Variants in SH3GL1 observed in about 807,000 individuals in gnomAD.
The protein encoded by SH3GL1 is SH3 domain containing GRB2 like 1, endophilin A2.
SH3GL1 carries 21 observed loss-of-function variants against 48.8 expected under a neutral mutation model. The observed-to-expected ratio is 0.43, with a 90% CI of 0.30 to 0.62. The LOEUF (loss-of-function observed/expected upper bound fraction) is 0.62, where lower values mean the gene tolerates loss of function less well. SH3GL1 is among the 20% of genes least tolerant of loss of function. SH3GL1 has a pLI of 0.11. For missense variants in SH3GL1, 454 were observed against 503.0 expected, an observed-to-expected ratio of 0.90 and a Z score of 0.93; for synonymous variants, 282 against 217.5, an observed-to-expected ratio of 1.30 and a Z score of -2.61.
chr19:4,384,173 G>C (rs113606492), intron 1 of SH3GL1, among the ~76,000 whole-genome samples: 219 of 152,324 alleles, frequency 1.4e-3, no homozygotes, highest in African/African-American at 5.0e-3. Context: ...TTACAGGCTG[G>C]AGGGGATGTT....
In SH3GL1 at chr19:4,361,541, G is replaced by T; in HGVS notation, c.*59C>A. The stretch of plus-strand genomic sequence containing the variant: ...AGCAGGGGCTCCGTGGAATGCAGGA[G>T]ACCCAGCAGGGGGTGCCGGCCAGTG... On this transcript the variant is annotated 3_prime_UTR_variant, in exon 10 of 10. Coordinates refer to ENST00000269886, the MANE Select transcript of SH3GL1 (RefSeq NM_003025.4). 2 of 1,334,588 alleles carry T rather than the reference G, an allele frequency of 1.5e-6. No individual in the cohort carries two copies. Among genetic ancestry groups the T allele is most frequent in the South Asian group, 1.3e-5 (1 of 76,854 alleles). The allele number at this position is 1,334,588 out of a possible 1,614,324, so 82.7% of individuals were successfully genotyped here.
At chr19:4,399,754 G>T (rs372527068) in intron 1 of SH3GL1, among the ~76,000 whole-genome samples, 158 of 152,324 alleles carry the variant, frequency 1.0e-3, no homozygotes, top group African/African-American at 3.6e-3. Flanking sequence ...GCTATCACAG[G>T]GTACGTGTTT....
intron 1 of SH3GL1, among the ~76,000 whole-genome samples, chr19:4,397,818 T>G (rs945047863): frequency 2.6e-5 from 4 of 152,174 alleles, no homozygotes; most frequent in African/African-American, 9.7e-5. Context: ...TAAGTATCTA[T>G]ATCCCTAAAC....
At chr19:4,370,409 G>A (rs947253176) in intron 1 of SH3GL1, among the ~76,000 whole-genome samples, 3 of 152,206 alleles carry the variant, frequency 2.0e-5, no homozygotes, top group Admixed American at 1.3e-4. Context: ...GCAGGAAACG[G>A]AGGAAAATAA....
chr19:4,361,745 T>C lies in SH3GL1; in HGVS notation c.962A>G (p.Asn321Ser). 6.2e-7 allele frequency: 1 copy of C among 1,612,736 alleles called. No homozygotes were observed. The highest frequency in any genetic ancestry group is 8.5e-7 in the Non-Finnish European group (1 of 1,179,856). The change falls in exon 10 of 10, where the codon AAC becomes AGC. Residue 321 changes from asparagine to serine, a missense_variant. Asn to Ser is a conservative substitution (Grantham distance 46). This residue lies in a region of SH3GL1 where 278 missense variants were observed against 246.8 expected (regional missense o/e 1.13). Transcript: ENST00000269886. ...CKALYDFEPENDGELGFHEGD... is the reference protein window; with the variant it reads ...CKALYDFEPESDGELGFHEGD... ...CTCATGGAAGCCCAGCTCCCCGTCG[T>C]TCTCGGGCTCGAAGTCGTACAGCGC...
chr19:4,369,490 G>A lies in SH3GL1; in HGVS notation c.46-2496C>T, dbSNP rs370772830. On this transcript the variant is annotated intron_variant, in intron 1 of 9. Transcript: ENST00000269886. Reference sequence around the variant, plus strand: ...TGTGCAGGCTGGCAGGAGTGGCTCCGTCAGGGCCCTTCCCCAGCCCCCTGC... The same window carrying A: ...TGTGCAGGCTGGCAGGAGTGGCTCCATCAGGGCCCTTCCCCAGCCCCCTGC... 6.6e-3 allele frequency among the ~76,000 whole-genome samples: 1,003 copies of A among 152,294 alleles called. 9 individuals carry two copies. The highest frequency in any genetic ancestry group is 0.022 in the African/African-American group (934 of 41,562).
chr19:4,364,373 C>T, intron 4 of SH3GL1, 152 bp from the exon 5 acceptor site: 3 of 932,384 alleles, frequency 3.2e-6, no homozygotes, highest in Non-Finnish European at 4.9e-6. Flanking sequence ...GGGCTCAAGC[C>T]ATGCTGGCAC....
In SH3GL1 at chr19:4,394,126, C is replaced by CA. The variant is rs34866100; in HGVS notation, c.45+6197dup. ...TTCAAACCCTCTCCCTCCTTTCAGGCAAAAAAAAAAAAAAAAAAAAGCCAG... is the reference window on the plus strand; with the variant it reads ...TTCAAACCCTCTCCCTCCTTTCAGGCAAAAAAAAAAAAAAAAAAAAAGCCAG... On this transcript the variant is annotated intron_variant, in intron 1 of 9. Transcript: ENST00000269886. Among the ~76,000 whole-genome samples the CA allele has an allele frequency of 4.0e-4, 36 of 89,752 alleles. No homozygotes were observed. In the South Asian group the frequency reaches 8.2e-3, roughly 21 times the overall value. The allele number at this position is 89,752 out of a possible 152,430, so 58.9% of individuals were successfully genotyped here. A position where few individuals can be genotyped will look rare whatever the true frequency, so the allele number is the denominator to read the frequency against.
At chr19:4,386,773 C>T (rs1175810553) in intron 1 of SH3GL1, among the ~76,000 whole-genome samples, 2 of 152,046 alleles carry the variant, frequency 1.3e-5, no homozygotes, top group South Asian at 2.1e-4. Context: ...CAGGATCCCC[C>T]GATCCTAAGA....
chr19:4,385,405 T>C (rs2144909352), intron 1 of SH3GL1, among the ~76,000 whole-genome samples: 1 of 152,290 alleles, frequency 6.6e-6, no homozygotes, highest in East Asian at 1.9e-4. Flanking sequence ...CCAGGGAATG[T>C]GTTCTGAATG....
chr19:4,397,494 C>A (rs901876640), intron 1 of SH3GL1, among the ~76,000 whole-genome samples: 1 of 152,206 alleles, frequency 6.6e-6, no homozygotes, highest in African/African-American at 2.4e-5. Flanking sequence ...ACAATATGGG[C>A]ACAGGCCCTG....
rs746817206 is a variant in SH3GL1, at chr19:4,366,560, G to A, written c.128C>T (p.Thr43Ile). 2 of 1,612,080 alleles carry A rather than the reference G, an allele frequency of 1.2e-6. No individual in the cohort carries two copies. Among genetic ancestry groups the A allele is most frequent in the Non-Finnish European group, 8.5e-7 (1 of 1,179,544 alleles). ...CAGCACTTCTGTCACCGCCTTGCTG[G>A]TGACATCCACCTTCTGTGAAGAGAA... ...FKEMEKKVDV[T>I]SKAVTEVLAR... Residue 43 changes from threonine to isoleucine, a missense_variant, in exon 3 of 10, where the codon ACC becomes ATC. Physicochemically the swap from Thr to Ile is moderately conservative, Grantham distance 89 (BLOSUM62 -1). Transcript: ENST00000269886.
rs746783898 is a variant in SH3GL1 at position 4,363,793 on chromosome 19, C to T, written c.551G>A (p.Arg184His). The T allele has an allele frequency of 9.9e-6, 16 of 1,613,694 alleles. No individual in the cohort carries two copies. Among genetic ancestry groups the T allele is most frequent in the Admixed American group, 6.7e-5 (4 of 60,012 alleles). ...CTCCTCGAACTTCTCCAGCGCCTGG[C>T]GTAGCTCCTCATCGGGGATCTTGCC... ...RQGKIPDEEL[R>H]QALEKFEESK... Residue 184 changes from arginine (R) to histidine (H), a missense_variant, in exon 6 of 10, where the codon CGC becomes CAC. Physicochemically the swap from Arg to His is conservative, Grantham distance 29 (BLOSUM62 0). Transcript: ENST00000269886.
At position 4,366,655 on chromosome 19, in the gene SH3GL1, T is replaced by C; in HGVS notation, c.115-82A>G. ...AGACCCCCGCTGCTGCACCGCCTCC[T>C]GCCCTAAGAGCCCATACCAGGACCC... On this transcript the variant is annotated intron_variant, in intron 2 of 9. Transcript: ENST00000269886. The C allele has an allele frequency of 6.0e-6, 8 of 1,326,538 alleles. 1 individual carries two copies. The South Asian group carries it at 8.4e-5, about 14-fold the overall frequency. 82.2% of individuals were successfully genotyped at this position (1,326,538 alleles called of 1,614,324 possible).
intron 1 of SH3GL1, among the ~76,000 whole-genome samples, chr19:4,383,380 A>G (rs567392758): frequency 6.8e-6 from 1 of 146,874 alleles, no homozygotes; most frequent in Admixed American, 6.8e-5. Context: ...ACACAGAGTT[A>G]TTTTTTTTTT....
intron 1 of SH3GL1, among the ~76,000 whole-genome samples, chr19:4,394,677 G>C (rs1973394529): frequency 6.6e-6 from 1 of 152,142 alleles, no homozygotes; most frequent in Admixed American, 6.6e-5. Flanking sequence ...AGCCTCGCCT[G>C]TTAGAAAGTA....
chr19:4,383,736 A>T (rs1973182088), intron 1 of SH3GL1, among the ~76,000 whole-genome samples: 1 of 152,136 alleles, frequency 6.6e-6, no homozygotes, highest in African/African-American at 2.4e-5. Flanking sequence ...TCACCAACAA[A>T]ATCCCAAAAA....
chr19:4,399,089 G>A (rs975241726), intron 1 of SH3GL1, among the ~76,000 whole-genome samples: 6 of 152,178 alleles, frequency 3.9e-5, no homozygotes, highest in Non-Finnish European at 7.3e-5. Flanking sequence ...GGAAGCCGAA[G>A]CAGGCGGATT....
At chr19:4,387,218 G>T (rs1006540190) in intron 1 of SH3GL1, among the ~76,000 whole-genome samples, 21 of 152,200 alleles carry the variant, frequency 1.4e-4, no homozygotes, top group African/African-American at 4.8e-4. Context: ...TTACAGGCAT[G>T]AGCCACCGCG....
Sources: gnomAD v4.1 joint callset for allele counts (sites outside exome capture counted in the v4.1 genomes callset) on GRCh38, gnomAD v4.1.1 for gene constraint, gnomAD v4.1.1 regional missense constraint, MANE v1.5 for transcripts, NCBI Gene and HGNC (gene_info 2026-07-23, HGNC 2026-07-21) for gene names.